Variants in CFAP95 observed in about 807,000 individuals in gnomAD.
CFAP95 encodes the protein cilia- and flagella-associated protein 95.
At chr9:69,870,334 T>C in the CFAP95 span, among the ~76,000 whole-genome samples, 4,175 of 152,250 alleles carry the variant, frequency 0.027, 189 homozygotes, top group African/African-American at 0.094. Flanking sequence ...CCAAGGAATA[T>C]GCTTGGCTGA....
At chr9:69,885,348 T>A in the CFAP95 span, among the ~76,000 whole-genome samples, 1 of 152,194 alleles carries the variant, frequency 6.6e-6, no homozygotes, top group Non-Finnish European at 1.5e-5. Flanking sequence ...ATTTTTCCCC[T>A]ACTGTGAACT....
At chr9:69,874,614 C>T in the CFAP95 span, among the ~76,000 whole-genome samples, 3 of 152,324 alleles carry the variant, frequency 2.0e-5, no homozygotes, top group East Asian at 3.9e-4. Flanking sequence ...ACCTGGGATT[C>T]TCTTCCTGTT....
chr9:69,901,648 T>A, the CFAP95 span, among the ~76,000 whole-genome samples: 12 of 152,314 alleles, frequency 7.9e-5, 1 homozygote, highest in Non-Finnish European at 1.3e-4. Context: ...TGCAGTAACA[T>A]ACGTGTGCAT....
chr9:69,866,281 G>T, the CFAP95 span, among the ~76,000 whole-genome samples: 1 of 152,180 alleles, frequency 6.6e-6, no homozygotes, highest in Non-Finnish European at 1.5e-5. Flanking sequence ...GGTTATGGAA[G>T]CTGAGAAGTC....
the CFAP95 span, chr9:69,844,674 T>C: frequency 7.2e-7 from 1 of 1,380,244 alleles, no homozygotes; most frequent in Admixed American, 1.8e-5. Flanking sequence ...TTTGTCATAG[T>C]GAAACATAAA....
At chr9:69,831,753 A>G in the CFAP95 span, among the ~76,000 whole-genome samples, 1 of 152,206 alleles carries the variant, frequency 6.6e-6, no homozygotes, top group African/African-American at 2.4e-5. Context: ...AGTATGATGC[A>G]TTAGTTTCCA....
At chr9:69,899,943 TA>T in the CFAP95 span, among the ~76,000 whole-genome samples, 2 of 152,238 alleles carry the variant, frequency 1.3e-5, no homozygotes, top group Non-Finnish European at 2.9e-5. Flanking sequence ...TTTTGCTTTG[TA>T]TCATTTTTAT....
chr9:69,853,188 C>A, the CFAP95 span, among the ~76,000 whole-genome samples: 3 of 152,134 alleles, frequency 2.0e-5, no homozygotes, highest in African/African-American at 7.2e-5. Context: ...GGTAAGTCAT[C>A]CTCAGCAGAA....
At chr9:69,842,034 T>A in the CFAP95 span, among the ~76,000 whole-genome samples, 11 of 152,202 alleles carry the variant, frequency 7.2e-5, no homozygotes, top group African/African-American at 2.7e-4. Flanking sequence ...TTTTCAGAAC[T>A]GCTGAAGATT....
the CFAP95 span, among the ~76,000 whole-genome samples, chr9:69,849,331 G>T: frequency 6.6e-4 from 100 of 152,094 alleles, no homozygotes; most frequent in East Asian, 0.019. Flanking sequence ...GGGAGGAAGG[G>T]ATGAAGGAAG....
the CFAP95 span, among the ~76,000 whole-genome samples, chr9:69,848,553 G>A: frequency 1.3e-3 from 198 of 152,258 alleles, 1 homozygote; most frequent in African/African-American, 4.6e-3. Flanking sequence ...ATACCCAGGG[G>A]AAACCAAAGC....
the CFAP95 span, chr9:69,884,495 G>A: frequency 2.0e-5 from 3 of 152,194 alleles, no homozygotes; most frequent in Admixed American, 1.3e-4. Flanking sequence ...CAATCTGGTG[G>A]TCCTGCTCCT....
the CFAP95 span, among the ~76,000 whole-genome samples, chr9:69,852,910 T>C: frequency 6.6e-6 from 1 of 152,198 alleles, no homozygotes; most frequent in African/African-American, 2.4e-5. Context: ...CTGCCATCCA[T>C]GTAAGATGTG....
chr9:69,826,372 C>A, the CFAP95 span, among the ~76,000 whole-genome samples: 1 of 152,160 alleles, frequency 6.6e-6, no homozygotes, highest in Non-Finnish European at 1.5e-5. Flanking sequence ...CAGGTACTAA[C>A]CTGGAAGCAT....
At chr9:69,875,504 A>G in the CFAP95 span, among the ~76,000 whole-genome samples, 3 of 152,056 alleles carry the variant, frequency 2.0e-5, no homozygotes, top group Non-Finnish European at 4.4e-5. Flanking sequence ...TAATAAGGAG[A>G]GGCAAAAGGG....
chr9:69,867,017 T>C, the CFAP95 span, among the ~76,000 whole-genome samples: 1 of 152,160 alleles, frequency 6.6e-6, no homozygotes, highest in Non-Finnish European at 1.5e-5. Context: ...CTAAATGCAA[T>C]TTTTCTTTGC....
At chr9:69,848,969 G>A in the CFAP95 span, among the ~76,000 whole-genome samples, 2 of 152,150 alleles carry the variant, frequency 1.3e-5, no homozygotes, top group African/African-American at 4.8e-5. Flanking sequence ...GGGCAGTGAT[G>A]GAGGAAAAAT....
chr9:69,903,852 G>A, the CFAP95 span, among the ~76,000 whole-genome samples: 28 of 152,054 alleles, frequency 1.8e-4, no homozygotes, highest in African/African-American at 6.3e-4. Flanking sequence ...TCAGCATCAC[G>A]AGTAGCTGGG....
chr9:69,845,298 C>T, the CFAP95 span, among the ~76,000 whole-genome samples: 2 of 152,154 alleles, frequency 1.3e-5, no homozygotes, highest in African/African-American at 2.4e-5. Context: ...AACTAGGAGA[C>T]CCCCAAATTG....
Sources: allele counts gnomAD v4.1 joint callset (sites outside exome capture counted in the v4.1 genomes callset), GRCh38; gene constraint gnomAD v4.1.1; transcripts MANE v1.5; gene names NCBI Gene and HGNC (gene_info 2026-07-23, HGNC 2026-07-21).